The following BABAM2 variants were observed in gnomAD, a reference collection of about 807,000 sequenced individuals.
The protein encoded by BABAM2 is BRISC and BRCA1-A complex member 2.
Under a neutral mutation model 54.7 loss-of-function variants are expected in BABAM2, and 31 were observed. The ratio of observed to expected loss-of-function variants is 0.57; its 90% confidence interval spans 0.43 to 0.77. The LOEUF is 0.77. Ranked by LOEUF, BABAM2 falls within the 30% of genes least tolerant of loss-of-function variation. The pLI is 0.00. For missense variants in BABAM2, 364 were observed against 455.8 expected, an observed-to-expected ratio of 0.80 and a Z score of 1.83; for synonymous variants, 167 against 162.9, an observed-to-expected ratio of 1.03 and a Z score of -0.19.
intron 7 of BABAM2, among the ~76,000 whole-genome samples, chr2:28,140,747 AC>A (rs1232128743): frequency 6.6e-6 from 1 of 152,194 alleles, no homozygotes; most frequent in African/African-American, 2.4e-5. Context: ...GTGCATACAT[AC>A]ACACCTAACA....
chr2:27,909,067 G>C (rs1165864092), intron 2 of BABAM2, among the ~76,000 whole-genome samples: 1 of 151,900 alleles, frequency 6.6e-6, no homozygotes, highest in East Asian at 1.9e-4. Flanking sequence ...TTTTGAGACA[G>C]AGTCTCACTC....
chr2:28,264,514 TG>T (rs1380939647), intron 10 of BABAM2, among the ~76,000 whole-genome samples: 6 of 152,220 alleles, frequency 3.9e-5, no homozygotes, highest in African/African-American at 1.4e-4. Context: ...AGAAATGAAT[TG>T]TGGTCGCAAC....
intron 2 of BABAM2, among the ~76,000 whole-genome samples, chr2:27,927,794 T>G (rs964036717): frequency 6.6e-6 from 1 of 151,876 alleles, no homozygotes; most frequent in African/African-American, 2.4e-5. Flanking sequence ...TGAGGAATAA[T>G]CAACTTAGTG....
intron 4 of BABAM2, among the ~76,000 whole-genome samples, chr2:28,019,341 AT>A (rs35338642): frequency 1.3e-5 from 2 of 150,384 alleles, no homozygotes; most frequent in African/African-American, 4.9e-5. Flanking sequence ...TCTTAATGAG[AT>A]TTTTTTTTTC....
intron 3 of BABAM2, among the ~76,000 whole-genome samples, chr2:27,930,716 A>G (rs1443771283): frequency 2.0e-5 from 3 of 152,208 alleles, no homozygotes; most frequent in Admixed American, 6.5e-5. Context: ...AAGATCTGTC[A>G]TTGGACTTAG....
intron 9 of BABAM2, among the ~76,000 whole-genome samples, chr2:28,241,598 G>T (rs902794070): frequency 6.6e-6 from 1 of 151,916 alleles, no homozygotes; most frequent in Non-Finnish European, 1.5e-5. Context: ...GAGTTCAAGC[G>T]ATTCTCCTGC....
Position 27,901,061 on chromosome 2 carries a change from A to T in BABAM2, c.128+6377A>T, listed in dbSNP as rs962869849. Among the ~76,000 whole-genome samples the T allele has an allele frequency of 2.0e-5, 3 of 150,618 alleles. No individual in the cohort carries two copies. In the South Asian group the frequency reaches 6.3e-4, roughly 31 times the overall value. On this transcript the variant is annotated intron_variant, in intron 2 of 11. Transcript: ENST00000379624. ...CTGTCTCAAAAAAAAAAAAAAAAAA[A>T]AGGAAATTATAGTAAAGTGTATTAT...
At chr2:28,111,743 A>G (rs1020446529) in intron 6 of BABAM2, among the ~76,000 whole-genome samples, 1 of 152,178 alleles carries the variant, frequency 6.6e-6, no homozygotes, top group South Asian at 2.1e-4. Context: ...CAGTGCACAT[A>G]CAAATAACCT....
chr2:28,102,959 CT>C (rs1358589295), intron 6 of BABAM2, among the ~76,000 whole-genome samples: 1 of 152,084 alleles, frequency 6.6e-6, no homozygotes, highest in African/African-American at 2.4e-5. Flanking sequence ...ATTTTACAAA[CT>C]GAATTATGTC....
chr2:28,208,700 A>G (rs1679143463), intron 7 of BABAM2, among the ~76,000 whole-genome samples: 1 of 136,114 alleles, frequency 7.3e-6, no homozygotes, highest in Middle Eastern at 3.5e-3. Context: ...CTTTTCTCAT[A>G]TTTTTCAGAT....
chr2:27,986,941 C>A (rs1417991044), intron 3 of BABAM2, among the ~76,000 whole-genome samples: 1 of 152,060 alleles, frequency 6.6e-6, no homozygotes, highest in African/African-American at 2.4e-5. Flanking sequence ...AAAAAGGGAG[C>A]TACAGAAGAA....
At chr2:28,202,056 A>G (rs1414575409) in intron 7 of BABAM2, among the ~76,000 whole-genome samples, 2 of 152,220 alleles carry the variant, frequency 1.3e-5, no homozygotes, top group African/African-American at 4.8e-5. Flanking sequence ...AAAAGCTTTT[A>G]GAACTGGGAG....
intron 11 of BABAM2, among the ~76,000 whole-genome samples, chr2:28,313,281 G>C (rs1466631251): frequency 6.6e-6 from 1 of 152,240 alleles, no homozygotes; most frequent in Admixed American, 6.5e-5. Flanking sequence ...GGGCAAAAGA[G>C]AAGAAGGAGT....
chr2:28,009,995 G>A (rs1021214585), intron 4 of BABAM2, among the ~76,000 whole-genome samples: 13 of 152,174 alleles, frequency 8.5e-5, no homozygotes, highest in African/African-American at 3.1e-4. Context: ...TGTGAAGCCA[G>A]TGAAGGCCTC....
chr2:28,045,218 C>G (rs1343717759), intron 5 of BABAM2, among the ~76,000 whole-genome samples: 1 of 152,054 alleles, frequency 6.6e-6, no homozygotes, highest in Non-Finnish European at 1.5e-5. Flanking sequence ...AGTGGACTTT[C>G]AGGAGATGAG....
At chr2:27,945,420 T>C (rs1669228435) in intron 3 of BABAM2, among the ~76,000 whole-genome samples, 1 of 152,196 alleles carries the variant, frequency 6.6e-6, no homozygotes, top group Admixed American at 6.5e-5. Flanking sequence ...AATATGTCTA[T>C]CCTTAAGTGA....
intron 10 of BABAM2, among the ~76,000 whole-genome samples, chr2:28,268,971 A>G (rs1400452125): frequency 6.6e-6 from 1 of 152,230 alleles, no homozygotes; most frequent in Non-Finnish European, 1.5e-5. Flanking sequence ...ACTAAACACT[A>G]TCCCTTTAAA....
At chr2:28,040,331 C>A (rs1483572623) in intron 5 of BABAM2, among the ~76,000 whole-genome samples, 2 of 63,332 alleles carry the variant, frequency 3.2e-5, no homozygotes, top group East Asian at 7.6e-4. Context: ...GACGGAGTCT[C>A]GCTCTGTCGC....
rs573519261 is a variant in BABAM2, at chr2:27,948,792, T to C, written c.205+18884T>C. Among the ~76,000 whole-genome samples the C allele has an allele frequency of 1.4e-4, 22 of 152,230 alleles. No individual in the cohort carries two copies. In the South Asian group the frequency reaches 2.3e-3, roughly 16 times the overall value. Reference sequence around the variant, plus strand: ...CCTCAAAAAATAAAAAAAAAAGTTTTAAGATTAGATATTCTTGCCTTGTTC... The same window carrying C: ...CCTCAAAAAATAAAAAAAAAAGTTTCAAGATTAGATATTCTTGCCTTGTTC... On this transcript the variant is annotated intron_variant, in intron 3 of 11. Coordinates refer to ENST00000379624, the MANE Select transcript of BABAM2 (RefSeq NM_199191.3).
Sources: allele counts gnomAD v4.1 joint callset (sites outside exome capture counted in the v4.1 genomes callset), GRCh38; gene constraint gnomAD v4.1.1; transcripts MANE v1.5; gene names NCBI Gene and HGNC (gene_info 2026-07-23, HGNC 2026-07-21).